RBFOX1: variants seen among roughly 807,000 people sequenced by gnomAD.
RBFOX1 encodes RNA binding protein fox-1 homolog 1.
RBFOX1 carries 8 observed loss-of-function variants against 57.7 expected under a neutral mutation model. The ratio of observed to expected loss-of-function variants is 0.14; its 90% CI spans 0.08 to 0.25. The LOEUF is 0.25. Among genes scored for constraint, RBFOX1 ranks in the 10% least tolerant of loss-of-function variants. RBFOX1 has a pLI of 1.00. For missense variants in RBFOX1, 611 were observed against 548.5 expected (o/e 1.11, Z -1.14); for synonymous variants, 326 against 222.4 (o/e 1.47, Z -4.15).
At chr16:5,424,870 CTT>C in intron 1 of RBFOX1, among the ~76,000 whole-genome samples, 1 of 125,044 alleles carries the variant, frequency 8.0e-6, no homozygotes, top group South Asian at 2.7e-4. Flanking sequence ...TTCTTTCTTT[CTT>C]TTTTTTCTTT....
intron 1 of RBFOX1, among the ~76,000 whole-genome samples, chr16:6,074,901 G>C (rs548197056): frequency 6.6e-6 from 1 of 152,080 alleles, no homozygotes; most frequent in Non-Finnish European, 1.5e-5. Flanking sequence ...AGGACTTTGA[G>C]ACCAGCCTAG....
At chr16:6,045,336 G>C (rs1417520921) in intron 1 of RBFOX1, among the ~76,000 whole-genome samples, 1 of 152,144 alleles carries the variant, frequency 6.6e-6, no homozygotes, top group East Asian at 1.9e-4. Context: ...TGGGTGTTTG[G>C]TGATTTGAAT....
At chr16:5,605,582 G>T (rs2047543169) in intron 3 of RBFOX1, among the ~76,000 whole-genome samples, 1 of 152,006 alleles carries the variant, frequency 6.6e-6, no homozygotes. Flanking sequence ...TGGGAGGGGA[G>T]AGTGGTGCCA....
chr16:5,591,926 TG>T (rs1389393749), intron 2 of RBFOX1, among the ~76,000 whole-genome samples: 1 of 152,242 alleles, frequency 6.6e-6, no homozygotes, highest in African/African-American at 2.4e-5. Flanking sequence ...ACTTTTAAAA[TG>T]TTGGCCAATG....
At chr16:6,283,832 A>G (rs1384500455) in intron 1 of RBFOX1, among the ~76,000 whole-genome samples, 3 of 152,206 alleles carry the variant, frequency 2.0e-5, no homozygotes, top group African/African-American at 7.2e-5. Context: ...AGATATGGCC[A>G]AATTACCTGC....
chr16:6,487,710 T>A (rs1459348845), intron 2 of RBFOX1, among the ~76,000 whole-genome samples: 60 of 4,822 alleles, frequency 0.012, no homozygotes, highest in African/African-American at 0.021. Context: ...AATATATATA[T>A]ATATATATAT....
At chr16:7,207,577 A>C (rs1016728277) in intron 4 of RBFOX1, among the ~76,000 whole-genome samples, 5 of 152,226 alleles carry the variant, frequency 3.3e-5, no homozygotes, top group Non-Finnish European at 5.9e-5. Flanking sequence ...TCTTGCCACA[A>C]AAAATAATGA....
At chr16:6,786,757 AC>A (rs1283640371) in intron 3 of RBFOX1, among the ~76,000 whole-genome samples, 1 of 152,174 alleles carries the variant, frequency 6.6e-6, no homozygotes, top group Non-Finnish European at 1.5e-5. Context: ...GAAATGAGAT[AC>A]TTAAAGAAAC....
At chr16:6,381,230 A>G (rs188705562) in intron 2 of RBFOX1, among the ~76,000 whole-genome samples, 40 of 152,328 alleles carry the variant, frequency 2.6e-4, no homozygotes, top group Non-Finnish European at 4.9e-4. Context: ...TCTCATGTGC[A>G]TATATTGCGT....
intron 3 of RBFOX1, among the ~76,000 whole-genome samples, chr16:5,618,497 C>A (rs2048113494): frequency 6.6e-6 from 1 of 152,110 alleles, no homozygotes; most frequent in African/African-American, 2.4e-5. Context: ...GCCATCACGC[C>A]CAGCTAATTT....
chr16:7,427,827 T>C (rs528029313), intron 4 of RBFOX1, among the ~76,000 whole-genome samples: 1 of 151,948 alleles, frequency 6.6e-6, no homozygotes, highest in Non-Finnish European at 1.5e-5. Flanking sequence ...TTAGTTTTCA[T>C]ATTTTTAGTA....
chr16:6,881,509 C>A (rs1037874848), intron 3 of RBFOX1, among the ~76,000 whole-genome samples: 18 of 152,266 alleles, frequency 1.2e-4, no homozygotes, highest in South Asian at 2.1e-4. Context: ...GCCTGTGTAT[C>A]TTTACATCAT....
At chr16:6,547,716 A>G (rs530493641) in intron 2 of RBFOX1, among the ~76,000 whole-genome samples, 1 of 152,270 alleles carries the variant, frequency 6.6e-6, no homozygotes, top group South Asian at 2.1e-4. Flanking sequence ...GAGATCAGAG[A>G]AAATCTACTC....
intron 3 of RBFOX1, among the ~76,000 whole-genome samples, chr16:5,799,323 G>A (rs1006813916): frequency 6.6e-6 from 1 of 152,138 alleles, no homozygotes; most frequent in East Asian, 1.9e-4. Flanking sequence ...CAAGTAAGAT[G>A]AGATTTGGGT....
At chr16:6,577,873 A>T (rs954041840) in intron 2 of RBFOX1, among the ~76,000 whole-genome samples, 1 of 152,170 alleles carries the variant, frequency 6.6e-6, no homozygotes, top group Non-Finnish European at 1.5e-5. Context: ...AGGATATTTT[A>T]TTTATTAAAC....
At chr16:5,309,308 A>G (rs1052476226) in intron 1 of RBFOX1, among the ~76,000 whole-genome samples, 1 of 151,962 alleles carries the variant, frequency 6.6e-6, no homozygotes, top group Non-Finnish European at 1.5e-5. Context: ...TCTCTGTATT[A>G]TTTTTCACTT....
chr16:7,341,846 G>A (rs1163967452), intron 4 of RBFOX1, among the ~76,000 whole-genome samples: 7 of 144,520 alleles, frequency 4.8e-5, no homozygotes, highest in Non-Finnish European at 3.0e-5. Flanking sequence ...GTGGGAAGAT[G>A]ACAGCAGGAG....
rs1357965058 is a variant in RBFOX1, at chr16:5,320,607, C to A, written c.219+80502C>A. ...TGCAATGCATCTTCAGAGAGAAGTT[C>A]TCCTAACATGCTTTTGTTCTGAATC... On this transcript the variant is annotated intron_variant, in intron 1 of 2. Coordinates refer to the RBFOX1 transcript ENST00000585867. Among the ~76,000 whole-genome samples, 5 of 152,362 alleles carry A rather than the reference C, an allele frequency of 3.3e-5. No individual in the cohort carries two copies. In the East Asian group the frequency reaches 7.7e-4, roughly 24 times the overall value.
At chr16:6,936,541 T>A (rs1332965119) in intron 3 of RBFOX1, among the ~76,000 whole-genome samples, 1 of 152,136 alleles carries the variant, frequency 6.6e-6, no homozygotes, top group Non-Finnish European at 1.5e-5. Context: ...GGGGAGGATA[T>A]TAAGGGCTAC....
Sources: allele counts gnomAD v4.1 joint callset (sites outside exome capture counted in the v4.1 genomes callset), GRCh38; gene constraint gnomAD v4.1.1; transcripts MANE v1.5; gene names NCBI Gene and HGNC (gene_info 2026-07-23, HGNC 2026-07-21).